RGP1: variants seen among roughly 807,000 people sequenced by gnomAD.
RGP1 encodes the protein RAB6A-GEF complex partner protein 2.
RGP1 carries 28 observed loss-of-function variants against 44.5 expected under a neutral mutation model. That is an observed-to-expected ratio of 0.63 (90% CI 0.47 to 0.86). RGP1 has a LOEUF of 0.86. Among genes scored for constraint, RGP1 ranks in the 40% least tolerant of loss-of-function variants. The pLI is 0.00. For synonymous variants in RGP1, 212 were observed against 196.7 expected, an observed-to-expected ratio of 1.08 and a Z score of -0.65; for missense variants, 417 against 490.7, an observed-to-expected ratio of 0.85 and a Z score of 1.42.
chr9:35,789,338 T>TC, the RGP1 span, among the ~76,000 whole-genome samples: 1 of 149,104 alleles, frequency 6.7e-6, no homozygotes, highest in Non-Finnish European at 1.5e-5. Flanking sequence ...CCTTTTTTTT[T>TC]TTTTTTTTTT....
At chr9:35,768,900 G>A in the RGP1 span, among the ~76,000 whole-genome samples, 6 of 152,320 alleles carry the variant, frequency 3.9e-5, no homozygotes, top group African/African-American at 1.4e-4. Flanking sequence ...ATAGGACTAC[G>A]TTAAACTGGT....
At chr9:35,767,649 G>T in the RGP1 span, among the ~76,000 whole-genome samples, 1 of 152,110 alleles carries the variant, frequency 6.6e-6, no homozygotes, top group Non-Finnish European at 1.5e-5. Context: ...TGAGGAAAAA[G>T]ATTACATCAG....
chr9:35,753,530 C>A lies in RGP1; in HGVS notation c.*656C>A. On this transcript the variant is annotated 3_prime_UTR_variant, in exon 9 of 9. Coordinates refer to ENST00000378078, the MANE Select transcript of RGP1 (RefSeq NM_001080496.3). This position sits in a 1 kb window ranked among gnomAD's most constrained non-coding sequence, Gnocchi z 4.2. Reference sequence around the variant, plus strand: ...CCTTATCTTTCACACTAGTGTTGGTCCCTTCAGGTTTGGCCCATCTTGTAT... The same window carrying A: ...CCTTATCTTTCACACTAGTGTTGGTACCTTCAGGTTTGGCCCATCTTGTAT... The A allele has an allele frequency of 1.2e-6, 1 of 835,922 alleles. No homozygotes were observed. The highest frequency in any genetic ancestry group is 1.9e-6 in the Non-Finnish European group (1 of 523,048). 51.8% of individuals were successfully genotyped at this position (835,922 alleles called of 1,614,324 possible).
the RGP1 span, among the ~76,000 whole-genome samples, chr9:35,785,691 G>A: frequency 1.3e-5 from 2 of 152,162 alleles, no homozygotes; most frequent in Admixed American, 1.3e-4. Context: ...CCCAGGGTCA[G>A]CATCCACTTT....
At chr9:35,790,046 T>C in the RGP1 span, 1 of 153,734 alleles carries the variant, frequency 6.5e-6, no homozygotes, top group Non-Finnish European at 1.5e-5. Flanking sequence ...AAACAATGTG[T>C]AGTTGCTTAA....
chr9:35,759,432 C>T (rs1451141105), downstream of RGP1, among the ~76,000 whole-genome samples: 7 of 151,518 alleles, frequency 4.6e-5, no homozygotes, highest in Non-Finnish European at 8.8e-5. Flanking sequence ...TGTGGTGGCG[C>T]GTTCCTGTAA....
the RGP1 span, among the ~76,000 whole-genome samples, chr9:35,789,168 C>T: frequency 6.6e-6 from 1 of 152,110 alleles, no homozygotes; most frequent in Non-Finnish European, 1.5e-5. Flanking sequence ...CAGGTGCCCA[C>T]CACCACGCCC....
chr9:35,766,457 T>C, the RGP1 span, among the ~76,000 whole-genome samples: 2 of 152,208 alleles, frequency 1.3e-5, no homozygotes, highest in Non-Finnish European at 2.9e-5. Context: ...ATAGTGTCTT[T>C]TGAGGAGCAG....
chr9:35,753,250 C>A lies in RGP1; in HGVS notation c.*376C>A. 2 of 1,614,068 alleles carry A rather than the reference C, an allele frequency of 1.2e-6. No individual in the cohort carries two copies. Among genetic ancestry groups the A allele is most frequent in the Non-Finnish European group, 1.7e-6 (2 of 1,180,008 alleles). On this transcript the variant is annotated 3_prime_UTR_variant, in exon 9 of 9. Transcript: ENST00000378078. This position sits in a 1 kb window ranked among gnomAD's most constrained non-coding sequence, Gnocchi z 4.2. ...TTCCTGCCTCCTGACGTACCTCACA[C>A]CCAGCCGGGAAGTCGATGGGATGCT... is the stretch of plus-strand genomic sequence containing the variant.
At position 35,753,026 on chromosome 9, in the gene RGP1, A is replaced by T; in HGVS notation, c.*152A>T. The T allele has an allele frequency of 6.4e-7, 1 of 1,572,296 alleles. No individual in the cohort carries two copies. The highest frequency in any genetic ancestry group is 1.1e-5 in the South Asian group (1 of 87,996). On this transcript the variant is annotated 3_prime_UTR_variant, in exon 9 of 9. Transcript: ENST00000378078. The surrounding 1 kb of genome is among the most constrained non-coding windows in gnomAD (Gnocchi z 4.2). ...GCATTAATTTATTTGTTCAGAATAC[A>T]TTGGCAGCTGCTAGTGGTTTCCCTG...
chr9:35,753,884 C>G lies in RGP1; in HGVS notation c.*1010C>G, dbSNP rs892095957. On this transcript the variant is annotated 3_prime_UTR_variant, in exon 9 of 9. Transcript: ENST00000378078. The surrounding 1 kb of genome is among the most constrained non-coding windows in gnomAD (Gnocchi z 4.2). ...CTATCCCCGTATTTAGTTTGTCTTT[C>G]CTGTTTCACAGCTGGAGGAAGCCTG... The G allele has an allele frequency of 5.2e-6, 8 of 1,547,114 alleles. No individual in the cohort carries two copies. The Admixed American group carries it at 7.1e-5, about 14-fold the overall frequency.
chr9:35,750,455 G>A, intron 3 of RGP1, 76 bp downstream of exon 3: 1 of 1,505,818 alleles, frequency 6.6e-7, no homozygotes, highest in Non-Finnish European at 9.2e-7. Flanking sequence ...CATGGGTGAA[G>A]TTGTTAATTG....
Position 35,749,960 on chromosome 9 carries a change from G to A in RGP1, c.116+89G>A, listed in dbSNP as rs1827207669. ...GAGGCAGAGCTCAGGTTGTCCTGTA[G>A]CGACACCACCTCCTCTTGCTCACTG... On this transcript the variant is annotated intron_variant, in intron 2 of 8. Coordinates refer to ENST00000378078, the MANE Select transcript of RGP1 (RefSeq NM_001080496.3). The surrounding 1 kb of genome is among the most constrained non-coding windows in gnomAD (Gnocchi z 4.4). The A allele has an allele frequency of 9.6e-7, 1 of 1,041,956 alleles. No homozygotes were observed. Among genetic ancestry groups the A allele is most frequent in the East Asian group, 2.4e-5 (1 of 41,854 alleles). The allele number at this position is 1,041,956 out of a possible 1,614,324, so 64.5% of individuals were successfully genotyped here. A position where few individuals can be genotyped will look rare whatever the true frequency, so the allele number is the denominator to read the frequency against.
At chr9:35,777,127 CTTTTT>C in the RGP1 span, among the ~76,000 whole-genome samples, 2 of 82,310 alleles carry the variant, frequency 2.4e-5, no homozygotes, top group African/African-American at 1.0e-4. Context: ...AGGTGTTTTT[CTTTTT>C]TTTTTTTTTT....
In RGP1 at chr9:35,755,381, T is replaced by A. The variant is rs1312139938; in HGVS notation, c.*2507T>A. On this transcript the variant is annotated 3_prime_UTR_variant, in exon 9 of 9. Transcript: ENST00000378078. ...ATTTTCTTTGAATGACATTAAGCAG[T>A]TTGTGCATAGCTGAGGGCTTCTATT... 3.3e-5 allele frequency: 5 copies of A among 152,280 alleles called. No homozygotes were observed. Among genetic ancestry groups the A allele is most frequent in the Admixed American group, 1.3e-4 (2 of 15,284 alleles). 9.4% of individuals were successfully genotyped at this position (152,280 alleles called of 1,614,324 possible).
chr9:35,777,038 G>A, the RGP1 span, among the ~76,000 whole-genome samples: 1 of 148,456 alleles, frequency 6.7e-6, no homozygotes, highest in Non-Finnish European at 1.5e-5. Flanking sequence ...CAAAATAATT[G>A]AATTTATTCT....
downstream of RGP1, among the ~76,000 whole-genome samples, chr9:35,758,932 T>C (rs1411117749): frequency 6.6e-6 from 1 of 152,240 alleles, no homozygotes; most frequent in Admixed American, 6.5e-5. Flanking sequence ...AAAGCTAGGC[T>C]TGATTGTTTA....
Position 35,750,970 on chromosome 9 carries a change from G to C in RGP1, c.468G>C (p.Leu156=). The C allele has an allele frequency of 6.2e-7, 1 of 1,613,896 alleles. No homozygotes were observed. The highest frequency in any genetic ancestry group is 8.5e-7 in the Non-Finnish European group (1 of 1,179,882). Residue 156 remains leucine (L), a synonymous_variant, in exon 5 of 9, where the codon CTG becomes CTC. Coordinates refer to ENST00000378078, the MANE Select transcript of RGP1 (RefSeq NM_001080496.3). Reference sequence around the variant, plus strand: ...CTATCACTTTACTCAGAGTCCCTCTGAGGGTTCTTGTGCTGACTGGTAAGC... The same window carrying C: ...CTATCACTTTACTCAGAGTCCCTCTCAGGGTTCTTGTGCTGACTGGTAAGC... ...NSPITLLRVP[L]RVLVLTGLQD... is the part of the protein sequence containing the mutation.
At chr9:35,767,293 T>TTG in the RGP1 span, among the ~76,000 whole-genome samples, 2 of 150,462 alleles carry the variant, frequency 1.3e-5, no homozygotes, top group Admixed American at 6.6e-5. Context: ...GTTTTTTTTT[T>TTG]TTTTTTTTTT....
Sources: gnomAD v4.1 joint callset for allele counts (sites outside exome capture counted in the v4.1 genomes callset) on GRCh38, gnomAD v4.1.1 for gene constraint, Gnocchi (gnomAD v3.1) non-coding constraint, MANE v1.5 for transcripts, NCBI Gene and HGNC (gene_info 2026-07-23, HGNC 2026-07-21) for gene names.